The following ACADSB variants were observed in gnomAD, a reference collection of about 807,000 sequenced individuals.
ACADSB encodes acyl-CoA dehydrogenase short/branched chain.
In ACADSB, 40 loss-of-function variants were observed where a neutral mutation model predicts 54.1. The ratio of observed to expected loss-of-function variants is 0.74; its 90% confidence interval spans 0.57 to 0.96. The LOEUF (loss-of-function observed/expected upper bound fraction) is 0.96, where lower values mean the gene tolerates loss of function less well. Ranked by LOEUF, ACADSB falls within the 40% of genes least tolerant of loss-of-function variation. ACADSB has a pLI of 0.00. For missense variants in ACADSB, 530 were observed against 510.4 expected, an observed-to-expected ratio of 1.04 and a Z score of -0.37; for synonymous variants, 182 against 182.8, an observed-to-expected ratio of 1.00 and a Z score of 0.03.
At position 123,052,147 on chromosome 10, in the gene ACADSB, A is replaced by C. The variant is rs1460514540; in HGVS notation, c.1129-914A>C. Among the ~76,000 whole-genome samples the C allele has an allele frequency of 6.6e-6, 1 of 152,126 alleles. No individual in the cohort carries two copies. The highest frequency in any genetic ancestry group is 1.5e-5 in the Non-Finnish European group (1 of 68,036). ...TCACAACAAATGGAGCTCTATCTGTACTAGATTCCAATTGCTGCTATAACA... is the reference window on the plus strand; with the variant it reads ...TCACAACAAATGGAGCTCTATCTGTCCTAGATTCCAATTGCTGCTATAACA... On this transcript the variant is annotated intron_variant, in intron 9 of 10. Transcript: ENST00000358776. The surrounding 1 kb of genome is among the most constrained non-coding windows in gnomAD (Gnocchi z 4.2).
At chr10:123,034,255 C>G (rs1351338252) in intron 1 of ACADSB, 101 bp from the exon 2 acceptor site, 6 of 1,299,318 alleles carry the variant, frequency 4.6e-6, no homozygotes, top group Non-Finnish European at 6.6e-6. Flanking sequence ...GGTTAAGTTT[C>G]CTTATTTTGG....
intron 10 of ACADSB, 54 bp from the exon 11 acceptor site, chr10:123,053,641 T>C: frequency 6.8e-7 from 1 of 1,471,364 alleles, no homozygotes. Flanking sequence ...AGCTATTTCT[T>C]GTCTTAACCA....
intron 1 of ACADSB, among the ~76,000 whole-genome samples, chr10:123,012,040 G>A (rs1850043360): frequency 6.6e-6 from 1 of 151,654 alleles, no homozygotes; most frequent in Non-Finnish European, 1.5e-5. Context: ...TTGTAGAGAT[G>A]AGGTCTCACT....
intron 1 of ACADSB, among the ~76,000 whole-genome samples, chr10:123,021,012 A>G (rs191547908): frequency 1.0e-3 from 154 of 152,356 alleles, no homozygotes; most frequent in African/African-American, 3.5e-3. Flanking sequence ...CAATAAATAA[A>G]TAAATAAATA....
intron 1 of ACADSB, among the ~76,000 whole-genome samples, chr10:123,014,706 G>C (rs1850089728): frequency 6.6e-6 from 1 of 152,230 alleles, no homozygotes. Flanking sequence ...GTAGAAGATA[G>C]CATGTTGCTA....
chr10:123,022,538 A>G (rs1424616057), intron 1 of ACADSB, among the ~76,000 whole-genome samples: 1 of 152,242 alleles, frequency 6.6e-6, no homozygotes, highest in East Asian at 1.9e-4. Context: ...AAGAGAAAGT[A>G]CCGCACGTGG....
At chr10:123,026,415 A>G (rs2133466329) in intron 1 of ACADSB, among the ~76,000 whole-genome samples, 1 of 152,294 alleles carries the variant, frequency 6.6e-6, no homozygotes. Flanking sequence ...TAAATGTATC[A>G]TTCTTTGGTA....
chr10:123,009,581 G>T (rs1386794884), intron 1 of ACADSB, among the ~76,000 whole-genome samples: 1 of 152,186 alleles, frequency 6.6e-6, no homozygotes, highest in Non-Finnish European at 1.5e-5. Flanking sequence ...AGGGACTTCG[G>T]AGTTGTTCGG....
At chr10:123,013,774 C>G (rs1035300978) in intron 1 of ACADSB, among the ~76,000 whole-genome samples, 1 of 152,238 alleles carries the variant, frequency 6.6e-6, no homozygotes, top group Non-Finnish European at 1.5e-5. Context: ...TGCCCGGGGC[C>G]GCAGGGCCTG....
In ACADSB at chr10:123,034,373, G is replaced by T; in HGVS notation, c.60G>T (p.Leu20=). ...RGSRLLRRNF[L]TCLSSWKIPP... is the part of the protein sequence containing the mutation. The stretch of plus-strand genomic sequence containing the variant: ...CCCTACAGCTAAGAAGAAATTTCCT[G>T]ACTTGTTTGTCTTCTTGGAAGATTC... The change falls in exon 2 of 11, where the codon CTG becomes CTT. Residue 20 remains leucine (L), a synonymous_variant. Transcript: ENST00000358776. 6.2e-7 allele frequency: 1 copy of T among 1,613,716 alleles called. No individual in the cohort carries two copies. The highest frequency in any genetic ancestry group is 1.1e-5 in the South Asian group (1 of 91,058).
In ACADSB at chr10:123,054,080, G is replaced by A. The variant is rs1589747117; in HGVS notation, c.*315G>A. ...CTTACTCTGTCACCCAGGCTAGAGTGCAGTGGCGCGATCTCAGCTCACTGC... is the reference window on the plus strand; with the variant it reads ...CTTACTCTGTCACCCAGGCTAGAGTACAGTGGCGCGATCTCAGCTCACTGC... On this transcript the variant is annotated 3_prime_UTR_variant, in exon 11 of 11. Coordinates refer to ENST00000358776, the MANE Select transcript of ACADSB (RefSeq NM_001609.4). 2.9e-6 allele frequency: 1 copy of A among 349,432 alleles called. No individual in the cohort carries two copies. The highest frequency in any genetic ancestry group is 6.2e-5 in the East Asian group (1 of 16,016). 21.6% of individuals were successfully genotyped at this position (349,432 alleles called of 1,614,324 possible).
At chr10:123,050,095 A>G (rs1850608626) in intron 8 of ACADSB, among the ~76,000 whole-genome samples, 1 of 152,244 alleles carries the variant, frequency 6.6e-6, no homozygotes, top group African/African-American at 2.4e-5. Flanking sequence ...TATTTCAGAA[A>G]GAGAAAGAGA....
intron 1 of ACADSB, among the ~76,000 whole-genome samples, chr10:123,022,254 C>T (rs996140238): frequency 6.6e-6 from 1 of 152,190 alleles, no homozygotes; most frequent in East Asian, 1.9e-4. Context: ...TGAAACAGTT[C>T]ATGGAGGGGA....
At position 123,054,459 on chromosome 10, in the gene ACADSB, G is replaced by A. The variant is rs950927442; in HGVS notation, c.*694G>A. 2.0e-5 allele frequency: 3 copies of A among 152,040 alleles called. No individual in the cohort carries two copies. The highest frequency in any genetic ancestry group is 7.2e-5 in the African/African-American group (3 of 41,400). The allele number at this position is 152,040 out of a possible 1,614,324, so 9.4% of individuals were successfully genotyped here. A position where few individuals can be genotyped will look rare whatever the true frequency, so the allele number is the denominator to read the frequency against. Reference sequence around the variant, plus strand: ...TTAAATCTTAATCTTGTGGCATCAGGGAAATATTTGTTACATAGTAGGCAA... The same window carrying A: ...TTAAATCTTAATCTTGTGGCATCAGAGAAATATTTGTTACATAGTAGGCAA... On this transcript the variant is annotated 3_prime_UTR_variant, in exon 11 of 11. Coordinates refer to ENST00000358776, the MANE Select transcript of ACADSB (RefSeq NM_001609.4).
At chr10:123,025,838 ATCACCTGAGG>A (rs1850243736) in intron 1 of ACADSB, among the ~76,000 whole-genome samples, 1 of 152,222 alleles carries the variant, frequency 6.6e-6, no homozygotes, top group African/African-American at 2.4e-5. Flanking sequence ...AGGCGGGCAG[ATCACCTGAGG>A]TCAGGAGTTG....
chr10:123,037,133 G>A (rs1483196729), intron 2 of ACADSB, among the ~76,000 whole-genome samples: 1 of 152,218 alleles, frequency 6.6e-6, no homozygotes, highest in Non-Finnish European at 1.5e-5. Context: ...GGCAGCTAGT[G>A]GGGCCGTGGC....
chr10:123,038,798 A>AC (rs2133478874), intron 3 of ACADSB, among the ~76,000 whole-genome samples: 2 of 152,302 alleles, frequency 1.3e-5, no homozygotes, highest in Admixed American at 1.3e-4. Context: ...CTCTTAGGAA[A>AC]CTGGAATCTT....
intron 8 of ACADSB, among the ~76,000 whole-genome samples, chr10:123,049,981 C>G (rs955347679): frequency 6.6e-6 from 1 of 152,324 alleles, no homozygotes; most frequent in East Asian, 1.9e-4. Context: ...GATATTGACT[C>G]TGCACATAGG....
intron 1 of ACADSB, among the ~76,000 whole-genome samples, chr10:123,014,336 T>C (rs1009103337): frequency 1.3e-5 from 2 of 149,074 alleles, no homozygotes; most frequent in East Asian, 1.9e-4. Context: ...AATTAATTAA[T>C]TAAGTTAGTT....
Sources: allele counts gnomAD v4.1 joint callset (sites outside exome capture counted in the v4.1 genomes callset), GRCh38; gene constraint gnomAD v4.1.1; non-coding constraint Gnocchi (gnomAD v3.1); transcripts MANE v1.5; gene names NCBI Gene and HGNC (gene_info 2026-07-23, HGNC 2026-07-21).